Variants in FAM81A observed in about 807,000 individuals in gnomAD.
The protein encoded by FAM81A is protein FAM81A.
A neutral mutation model predicts 46.7 loss-of-function variants in FAM81A; 19 were observed. That is an observed-to-expected ratio of 0.41 (90% CI 0.28 to 0.60). The LOEUF is 0.60. Ranked by LOEUF, FAM81A falls within the 20% of genes least tolerant of loss-of-function variation. FAM81A has a pLI of 0.34. For synonymous variants in FAM81A, 183 were observed against 152.9 expected (o/e 1.20, Z -1.45); for missense variants, 377 against 453.5 (o/e 0.83, Z 1.53).
intron 8 of FAM81A, among the ~76,000 whole-genome samples, chr15:59,519,418 A>AC (rs1462507937): frequency 6.6e-6 from 1 of 150,942 alleles, no homozygotes; most frequent in African/African-American, 2.4e-5. Flanking sequence ...CAAACTACTG[A>AC]CCTCAAGTAA....
At position 59,503,111 on chromosome 15, in the gene FAM81A, G is replaced by A. The variant is rs530804034; in HGVS notation, c.414-4102G>A. Among the ~76,000 whole-genome samples, 534 of 151,834 alleles carry A rather than the reference G, an allele frequency of 3.5e-3. 5 individuals are homozygous for A. The highest frequency in any genetic ancestry group is 0.012 in the African/African-American group (509 of 41,412). The stretch of plus-strand genomic sequence containing the variant: ...ACTAAAATTAGCTGGGCCTGGTAGT[G>A]GGTGCCTGTAATCCCAGCCACTCAG... On this transcript the variant is annotated intron_variant, in intron 4 of 8. Transcript: ENST00000288228.
chr15:59,506,436 G>A (rs2082149875), intron 4 of FAM81A, among the ~76,000 whole-genome samples: 1 of 152,132 alleles, frequency 6.6e-6, no homozygotes, highest in African/African-American at 2.4e-5. Flanking sequence ...ATGGAGTGCT[G>A]TTCTAGGCCC....
At chr15:59,412,102 C>A (rs375131361) in intron 2 of FAM81A, among the ~76,000 whole-genome samples, 1 of 151,500 alleles carries the variant, frequency 6.6e-6, no homozygotes, top group South Asian at 2.1e-4. Context: ...AGGAGGGCTT[C>A]GATTTTGGGG....
At chr15:59,515,269 A>G (rs923644606) in intron 7 of FAM81A, among the ~76,000 whole-genome samples, 3 of 152,162 alleles carry the variant, frequency 2.0e-5, no homozygotes, top group South Asian at 4.1e-4. Flanking sequence ...AGTCTTGCAT[A>G]TGTAGTATTC....
intron 8 of FAM81A, 49 bp from the exon 9 acceptor site, chr15:59,521,205 G>A (rs1596555451): frequency 6.3e-7 from 1 of 1,578,970 alleles, no homozygotes; most frequent in Non-Finnish European, 8.6e-7. Flanking sequence ...ATTTGATACA[G>A]CATTTTAAAA....
intron 2 of FAM81A, among the ~76,000 whole-genome samples, chr15:59,422,995 G>A (rs1302571493): frequency 6.6e-6 from 1 of 152,042 alleles, no homozygotes; most frequent in Non-Finnish European, 1.5e-5. Flanking sequence ...AGTAACAGCT[G>A]TTATTTATGG....
At chr15:59,451,244 T>A (rs1442910724) in intron 1 of FAM81A, among the ~76,000 whole-genome samples, 5 of 152,138 alleles carry the variant, frequency 3.3e-5, no homozygotes, top group African/African-American at 1.2e-4. Flanking sequence ...GACTTGGGCT[T>A]GTGTTTGCCG....
intron 5 of FAM81A, among the ~76,000 whole-genome samples, 199 bp from the exon 6 acceptor site, chr15:59,508,664 G>T (rs2082173812): frequency 6.6e-6 from 1 of 152,128 alleles, no homozygotes; most frequent in Admixed American, 6.5e-5. Context: ...GAATATTTTG[G>T]CAGTGCTACT....
intron 2 of FAM81A, among the ~76,000 whole-genome samples, chr15:59,403,601 G>A (rs1454147689): frequency 6.6e-6 from 1 of 152,122 alleles, no homozygotes; most frequent in Admixed American, 6.5e-5. Context: ...GCCTCTCTAT[G>A]CCCTAGTTCC....
intron 2 of FAM81A, among the ~76,000 whole-genome samples, chr15:59,458,876 G>A (rs919112532): frequency 6.6e-6 from 1 of 152,234 alleles, no homozygotes; most frequent in African/African-American, 2.4e-5. Flanking sequence ...TGTTGAGAGT[G>A]AAATATAACT....
intron 1 of FAM81A, among the ~76,000 whole-genome samples, chr15:59,441,733 G>A (rs1039508981): frequency 2.3e-4 from 35 of 152,252 alleles, no homozygotes; most frequent in East Asian, 5.8e-4. Flanking sequence ...GTATCTCCCT[G>A]TCTCCATGAC....
Position 59,517,852 on chromosome 15 carries a change from T to C in FAM81A, c.982+1012T>C, listed in dbSNP as rs564387754. Among the ~76,000 whole-genome samples the C allele has an allele frequency of 2.4e-4, 37 of 152,362 alleles. 1 individual carries two copies. In the South Asian group the frequency reaches 7.3e-3, roughly 30 times the overall value. On this transcript the variant is annotated intron_variant, in intron 8 of 8. Transcript: ENST00000288228. ...TCGCATCATTCCCTGAAGGAATGTATTGTTATTTAACATACCATTGAGGAT... is the reference window on the plus strand; with the variant it reads ...TCGCATCATTCCCTGAAGGAATGTACTGTTATTTAACATACCATTGAGGAT...
rs1309998899 is a variant in FAM81A, at chr15:59,403,892, T to C, written c.-78+1534T>C. 2.7e-5 allele frequency among the ~76,000 whole-genome samples: 4 copies of C among 148,740 alleles called. No individual in the cohort carries two copies. In the East Asian group the frequency reaches 5.8e-4, roughly 22 times the overall value. ...CAAATTGTTTCTTTTCTTTTCTTTT[T>C]TTTTTTTTTGAGACAGAGTCTCACT... On this transcript the variant is annotated intron_variant, in intron 2 of 4. Transcript: ENST00000558348.
At chr15:59,401,302 G>A (rs1451239090) in intron 1 of FAM81A, 10 of 854,586 alleles carry the variant, frequency 1.2e-5, no homozygotes, top group Middle Eastern at 2.2e-4. Flanking sequence ...AATAACTGCC[G>A]CCTTGCATCA....
chr15:59,487,430 A>G (rs1400190623), intron 3 of FAM81A, among the ~76,000 whole-genome samples: 1 of 151,530 alleles, frequency 6.6e-6, no homozygotes, highest in Non-Finnish European at 1.5e-5. Flanking sequence ...GAGCAGACAT[A>G]AGTGAAATGA....
intron 1 of FAM81A, among the ~76,000 whole-genome samples, chr15:59,449,361 T>C (rs1409141004): frequency 1.3e-5 from 2 of 152,246 alleles, no homozygotes; most frequent in Non-Finnish European, 2.9e-5. Flanking sequence ...CCCAAGTATT[T>C]TACCTATTCC....
intron 4 of FAM81A, among the ~76,000 whole-genome samples, chr15:59,505,420 G>A (rs1596538768): frequency 2.0e-5 from 3 of 151,814 alleles, no homozygotes; most frequent in Admixed American, 2.0e-4. Flanking sequence ...GCTGAGGCAG[G>A]AGAACGGCTT....
At chr15:59,455,799 G>T (rs1281962967) in intron 1 of FAM81A, among the ~76,000 whole-genome samples, 4 of 152,324 alleles carry the variant, frequency 2.6e-5, no homozygotes, top group African/African-American at 9.6e-5. Flanking sequence ...CAGAGAAGGG[G>T]ATGCCAAAGT....
At chr15:59,400,379 C>T (rs1000720463) in intron 1 of FAM81A, among the ~76,000 whole-genome samples, 5 of 152,096 alleles carry the variant, frequency 3.3e-5, no homozygotes, top group Non-Finnish European at 7.4e-5. Flanking sequence ...CACTGCACCC[C>T]GCACACTAGC....
Sources: allele counts gnomAD v4.1 joint callset (sites outside exome capture counted in the v4.1 genomes callset), GRCh38; gene constraint gnomAD v4.1.1; transcripts MANE v1.5; gene names NCBI Gene and HGNC (gene_info 2026-07-23, HGNC 2026-07-21).